The following TENM3 variants were observed in gnomAD, a reference collection of about 807,000 sequenced individuals.
TENM3 encodes the protein teneurin-3.
TENM3 carries 63 observed loss-of-function variants against 255.1 expected under a neutral mutation model. The observed-to-expected ratio is 0.25, with a 90% confidence interval of 0.20 to 0.30. The LOEUF is 0.30. TENM3 is among the 10% of genes least tolerant of loss of function. The pLI is 1.00. For missense variants in TENM3, 2,929 were observed against 3,461.1 expected (o/e 0.85, Z 3.86); for synonymous variants, 1,306 against 1,322.3 (o/e 0.99, Z 0.27).
chr4:181,605,585 G>GA, the TENM3 span, among the ~76,000 whole-genome samples: 10 of 5,622 alleles, frequency 1.8e-3, 2 homozygotes, highest in African/African-American at 6.1e-3. Flanking sequence ...AGAAAGAAAG[G>GA]AAAGAAAGAA....
the TENM3 span, among the ~76,000 whole-genome samples, chr4:181,999,337 G>A: frequency 5.9e-5 from 9 of 152,278 alleles, 1 homozygote; most frequent in African/African-American, 2.2e-4. Flanking sequence ...AGTAGATGGT[G>A]CAAAGAAACC....
chr4:182,141,610 C>A (rs1289735253), upstream of TENM3: 1 of 152,180 alleles, frequency 6.6e-6, no homozygotes, highest in African/African-American at 2.4e-5. Flanking sequence ...GCATAGAGTG[C>A]GCAGGGCCGT....
intron 3 of TENM3, among the ~76,000 whole-genome samples, chr4:182,506,817 T>C (rs1355181331): frequency 6.6e-6 from 1 of 152,330 alleles, no homozygotes; most frequent in South Asian, 2.1e-4. Flanking sequence ...GACATCTTTT[T>C]GAACTTCCTT....
the TENM3 span, among the ~76,000 whole-genome samples, chr4:181,683,154 A>T: frequency 1.3e-5 from 2 of 152,162 alleles, no homozygotes; most frequent in African/African-American, 4.8e-5. Context: ...AATAACAATG[A>T]TAATATCCCT....
the TENM3 span, among the ~76,000 whole-genome samples, chr4:181,524,032 G>C: frequency 6.6e-6 from 1 of 152,000 alleles, no homozygotes; most frequent in African/African-American, 2.4e-5. Context: ...AATTCTACGT[G>C]GCTCGCTGTT....
At chr4:181,976,543 C>G in the TENM3 span, 1 of 152,190 alleles carries the variant, frequency 6.6e-6, no homozygotes, top group Non-Finnish European at 1.5e-5. Context: ...CTACCTGTAA[C>G]AGAGAATGTA....
chr4:182,546,652 A>G (rs1741480852), intron 3 of TENM3, among the ~76,000 whole-genome samples: 2 of 151,768 alleles, frequency 1.3e-5, no homozygotes, highest in Admixed American at 6.6e-5. Flanking sequence ...AATAAGTTTT[A>G]TTCTCTGAAA....
chr4:182,229,654 A>T (rs535658924), intron 1 of TENM3, among the ~76,000 whole-genome samples: 32 of 152,156 alleles, frequency 2.1e-4, no homozygotes, highest in African/African-American at 7.5e-4. Context: ...ACACACATAT[A>T]TGTATATATA....
the TENM3 span, among the ~76,000 whole-genome samples, chr4:181,721,907 T>C: frequency 6.6e-6 from 1 of 152,072 alleles, no homozygotes; most frequent in Non-Finnish European, 1.5e-5. Context: ...TCAGTTAGGA[T>C]GTGCTGATGC....
At chr4:182,590,630 C>A (rs1478709605) in intron 3 of TENM3, among the ~76,000 whole-genome samples, 1 of 150,144 alleles carries the variant, frequency 6.7e-6, no homozygotes, top group Non-Finnish European at 1.5e-5. Flanking sequence ...GGGGCTGAGG[C>A]AGGTGGATCA....
At chr4:182,247,958 C>T (rs1183604303) in intron 1 of TENM3, among the ~76,000 whole-genome samples, 1 of 152,148 alleles carries the variant, frequency 6.6e-6, no homozygotes, top group Non-Finnish European at 1.5e-5. Flanking sequence ...ACAATAGTGC[C>T]ATTGCTGTTT....
the TENM3 span, among the ~76,000 whole-genome samples, chr4:182,001,850 A>C: frequency 6.6e-6 from 1 of 152,114 alleles, no homozygotes; most frequent in Non-Finnish European, 1.5e-5. Flanking sequence ...GAGAGACCTA[A>C]GGTATTTCTA....
chr4:182,437,805 A>T, intron 3 of TENM3, among the ~76,000 whole-genome samples: 1 of 149,730 alleles, frequency 6.7e-6, no homozygotes, highest in Admixed American at 6.7e-5. Context: ...CTAAAAAAAA[A>T]AAAAAATATC....
chr4:182,589,551 TG>T (rs1296056007), intron 3 of TENM3, among the ~76,000 whole-genome samples: 1 of 152,100 alleles, frequency 6.6e-6, no homozygotes, highest in Non-Finnish European at 1.5e-5. Flanking sequence ...TGCTGCTTTT[TG>T]TTTTGTCTGT....
chr4:182,604,919 C>T (rs916841988), intron 4 of TENM3, among the ~76,000 whole-genome samples: 3 of 151,874 alleles, frequency 2.0e-5, no homozygotes, highest in African/African-American at 4.8e-5. Flanking sequence ...TGTCTTGAGC[C>T]GCATTAATGT....
the TENM3 span, among the ~76,000 whole-genome samples, chr4:181,985,600 G>A: frequency 6.6e-6 from 1 of 152,108 alleles, no homozygotes; most frequent in African/African-American, 2.4e-5. Context: ...TGCATTAGCT[G>A]AGCAATGGGA....
chr4:182,314,405 A>G (rs1762634846), intron 1 of TENM3, among the ~76,000 whole-genome samples: 1 of 152,164 alleles, frequency 6.6e-6, no homozygotes, highest in Non-Finnish European at 1.5e-5. Context: ...TTATACATGT[A>G]GGATAAGTGA....
the TENM3 span, among the ~76,000 whole-genome samples, chr4:181,558,131 GC>G: frequency 6.6e-6 from 1 of 152,182 alleles, no homozygotes; most frequent in Admixed American, 6.5e-5. Flanking sequence ...AGAAAGTTCA[GC>G]TATTGAAAGA....
chr4:182,765,220 G>C (rs1280357435), intron 22 of TENM3, among the ~76,000 whole-genome samples: 2 of 152,070 alleles, frequency 1.3e-5, no homozygotes, highest in Non-Finnish European at 2.9e-5. Context: ...CTATAAGTGT[G>C]AATAAAATCA....
Sources: gnomAD v4.1 joint callset for allele counts (sites outside exome capture counted in the v4.1 genomes callset) on GRCh38, gnomAD v4.1.1 for gene constraint, MANE v1.5 for transcripts, NCBI Gene and HGNC (gene_info 2026-07-23, HGNC 2026-07-21) for gene names.